TMEM106B: variants seen among roughly 807,000 people sequenced by gnomAD.
The protein encoded by TMEM106B is transmembrane protein 106B.
A neutral mutation model predicts 31.1 loss-of-function variants in TMEM106B; 15 were observed. The observed-to-expected ratio is 0.48, with a 90% confidence interval of 0.32 to 0.74. The LOEUF (loss-of-function observed/expected upper bound fraction) is 0.74, where lower values mean the gene tolerates loss of function less well. Among genes scored for constraint, TMEM106B ranks in the 30% least tolerant of loss-of-function variants. The pLI, the probability that TMEM106B is intolerant of heterozygous loss-of-function variation, is 0.03. For missense variants in TMEM106B, 283 were observed against 327.3 expected, an observed-to-expected ratio of 0.86 and a Z score of 1.04; for synonymous variants, 126 against 112.5, an observed-to-expected ratio of 1.12 and a Z score of -0.76.
At position 12,234,428 on chromosome 7, in the gene TMEM106B, A is replaced by T. The variant is rs764080815; in HGVS notation, c.*2453A>T. 4.3e-4 allele frequency: 66 copies of T among 152,010 alleles called. No individual in the cohort carries two copies. Among genetic ancestry groups the T allele is most frequent in the Middle Eastern group, 3.4e-3 (1 of 294 alleles). The allele number at this position is 152,010 out of a possible 1,614,324, so 9.4% of individuals were successfully genotyped here. A position where few individuals can be genotyped will look rare whatever the true frequency, so the allele number is the denominator to read the frequency against. Reference sequence around the variant, plus strand: ...AAAGATGGTATGTGACTACTTTCAGAGAGAGTTAAGTAACTGTCAGAATAA... The same window carrying T: ...AAAGATGGTATGTGACTACTTTCAGTGAGAGTTAAGTAACTGTCAGAATAA... On this transcript the variant is annotated 3_prime_UTR_variant, in exon 8 of 8. Coordinates refer to ENST00000396668, the MANE Select transcript of TMEM106B (RefSeq NM_001134232.2).
rs1358363299 is a variant in TMEM106B, at chr7:12,235,961, T to A, written c.*3986T>A. 1.3e-5 allele frequency: 2 copies of A among 148,332 alleles called. No individual in the cohort carries two copies. Among genetic ancestry groups the A allele is most frequent in the African/African-American group, 5.0e-5 (2 of 39,740 alleles). The allele number at this position is 148,332 out of a possible 1,614,324, so 9.2% of individuals were successfully genotyped here. On this transcript the variant is annotated 3_prime_UTR_variant, in exon 8 of 8. Coordinates refer to ENST00000396668, the MANE Select transcript of TMEM106B (RefSeq NM_001134232.2). ...AATTAGTTTTATTCTCTCTTTTTTA[T>A]AAAATCGGGTTTCAGATGAGATGTT... is the stretch of plus-strand genomic sequence containing the variant.
At chr7:12,212,414 G>A (rs1422436285) in intron 1 of TMEM106B, among the ~76,000 whole-genome samples, 3 of 151,860 alleles carry the variant, frequency 2.0e-5, no homozygotes, top group Non-Finnish European at 4.4e-5. Flanking sequence ...GCTGACAGGT[G>A]TTGATTAAGA....
intron 1 of TMEM106B, among the ~76,000 whole-genome samples, chr7:12,212,363 T>A (rs1313132044): frequency 6.6e-6 from 1 of 152,198 alleles, no homozygotes; most frequent in Non-Finnish European, 1.5e-5. Flanking sequence ...GGTTACAGTG[T>A]GTGGGGACAG....
chr7:12,219,251 A>T (rs1781743039), intron 3 of TMEM106B, among the ~76,000 whole-genome samples: 1 of 152,180 alleles, frequency 6.6e-6, no homozygotes, highest in South Asian at 2.1e-4. Flanking sequence ...GAACAGATTG[A>T]CATATTAGGG....
In TMEM106B at chr7:12,214,885, C is replaced by T. The variant is rs769300025; in HGVS notation, c.75C>T (p.Asn25=). 6.8e-6 allele frequency: 11 copies of T among 1,613,946 alleles called. No homozygotes were observed. The highest frequency in any genetic ancestry group is 4.5e-5 in the East Asian group (2 of 44,866). ...EDAYDGVTSE[N]MRNGLVNSEV... Reference sequence around the variant, plus strand: ...CTTATGATGGAGTCACATCTGAAAACATGAGGAATGGACTGGTTAATAGTG... The same window carrying T: ...CTTATGATGGAGTCACATCTGAAAATATGAGGAATGGACTGGTTAATAGTG... Residue 25 remains asparagine (N), a synonymous_variant, in exon 2 of 8, where the codon AAC becomes AAT. Transcript: ENST00000396668.
At chr7:12,225,357 GATTTATA>G (rs1781879814) in intron 4 of TMEM106B, among the ~76,000 whole-genome samples, 1 of 152,194 alleles carries the variant, frequency 6.6e-6, no homozygotes. Flanking sequence ...ATAGCAGCAT[GATTTATA>G]ATCCTTTGGG....
At chr7:12,227,377 G>T (rs1781921277) in intron 4 of TMEM106B, among the ~76,000 whole-genome samples, 1 of 151,876 alleles carries the variant, frequency 6.6e-6, no homozygotes, top group Non-Finnish European at 1.5e-5. Context: ...TTTTACTTCT[G>T]CTACCTAGGT....
At chr7:12,230,340 T>G in intron 5 of TMEM106B, 49 bp from the exon 6 acceptor site, 2 of 1,297,132 alleles carry the variant, frequency 1.5e-6, no homozygotes, top group Middle Eastern at 1.8e-4. Flanking sequence ...TCTGAAATGT[T>G]TGATGTTTTG....
intron 3 of TMEM106B, among the ~76,000 whole-genome samples, chr7:12,222,704 G>T (rs1343380575): frequency 6.6e-6 from 1 of 152,212 alleles, no homozygotes; most frequent in East Asian, 1.9e-4. Context: ...AGTCCAAAAT[G>T]AGTGAGTGGG....
chr7:12,228,751 A>G (rs1208652037), intron 4 of TMEM106B, among the ~76,000 whole-genome samples: 1 of 152,032 alleles, frequency 6.6e-6, no homozygotes, highest in African/African-American at 2.4e-5. Flanking sequence ...CCCTTTTCCC[A>G]TATCTGTGCC....
At chr7:12,231,173 A>G in intron 7 of TMEM106B, 58 bp downstream of exon 7, 1 of 1,326,008 alleles carries the variant, frequency 7.5e-7, no homozygotes, top group Non-Finnish European at 1.1e-6. Context: ...GATTTATAAC[A>G]TTGGCTTATA....
intron 2 of TMEM106B, among the ~76,000 whole-genome samples, chr7:12,217,023 G>C (rs111886724): frequency 0.026 from 2,818 of 110,232 alleles, 91 homozygotes; most frequent in African/African-American, 0.11. Context: ...GGTCAGGAGA[G>C]GGATTTTTTT....
Position 12,214,818 on chromosome 7 carries a change from A to G in TMEM106B, c.8A>G (p.Lys3Arg). MG[K>R]SLSHLPLHSS... The stretch of plus-strand genomic sequence containing the variant: ...TTTTATTTTTCTTTAGACATGGGAA[A>G]GTCTCTTTCTCATTTGCCTTTGCAT... The change falls in exon 2 of 8, where the codon AAG becomes AGG. Residue 3 changes from lysine (K) to arginine (R), a missense_variant. This residue lies in a region of TMEM106B where 77 missense variants were observed against 89.4 expected (regional missense o/e 0.86). Coordinates refer to ENST00000396668, the MANE Select transcript of TMEM106B (RefSeq NM_001134232.2). 6.2e-7 allele frequency: 1 copy of G among 1,608,564 alleles called. No individual in the cohort carries two copies. The highest frequency in any genetic ancestry group is 8.5e-7 in the Non-Finnish European group (1 of 1,178,044).
chr7:12,234,434 T>A lies in TMEM106B; in HGVS notation c.*2459T>A, dbSNP rs1782088957. 6.6e-6 allele frequency: 1 copy of A among 151,376 alleles called. No individual in the cohort carries two copies. 9.4% of individuals were successfully genotyped at this position (151,376 alleles called of 1,614,324 possible). On this transcript the variant is annotated 3_prime_UTR_variant, in exon 8 of 8. Transcript: ENST00000396668. The stretch of plus-strand genomic sequence containing the variant: ...GGTATGTGACTACTTTCAGAGAGAG[T>A]TAAGTAACTGTCAGAATAAGCCTGG...
In TMEM106B at chr7:12,238,486, T is replaced by C. The variant is rs929901265; in HGVS notation, c.*6511T>C. On this transcript the variant is annotated 3_prime_UTR_variant, in exon 8 of 8. Coordinates refer to ENST00000396668, the MANE Select transcript of TMEM106B (RefSeq NM_001134232.2). The stretch of plus-strand genomic sequence containing the variant: ...ACCTCTTCCCCTGAATCACAAATGT[T>C]GTTAATGGCATCTAGAATGGCAAAT... 1 of 152,290 alleles carries C rather than the reference T, an allele frequency of 6.6e-6. No individual in the cohort carries two copies. Among genetic ancestry groups the C allele is most frequent in the African/African-American group, 2.4e-5 (1 of 41,470 alleles). 9.4% of individuals were successfully genotyped at this position (152,290 alleles called of 1,614,324 possible). A position where few individuals can be genotyped will look rare whatever the true frequency, so the allele number is the denominator to read the frequency against.
rs1007198242 is a variant in TMEM106B at position 12,233,209 on chromosome 7, G to C, written c.*1234G>C. On this transcript the variant is annotated 3_prime_UTR_variant, in exon 8 of 8. Coordinates refer to ENST00000396668, the MANE Select transcript of TMEM106B (RefSeq NM_001134232.2). ...GATTATTGACTTATTCAACTTTGCT[G>C]TTTTATATTTTCAGTATCATTTTTC... The C allele has an allele frequency of 7.2e-6, 1 of 139,458 alleles. No individual in the cohort carries two copies. The highest frequency in any genetic ancestry group is 2.6e-5 in the African/African-American group (1 of 37,838). The allele number at this position is 139,458 out of a possible 1,614,324, so 8.6% of individuals were successfully genotyped here.
At chr7:12,213,315 A>T (rs1014369020) in intron 1 of TMEM106B, among the ~76,000 whole-genome samples, 2 of 152,000 alleles carry the variant, frequency 1.3e-5, no homozygotes, top group Non-Finnish European at 2.9e-5. Flanking sequence ...GTGATTTTGG[A>T]ATTTTGGGGC....
At chr7:12,216,273 G>A (rs118162735) in intron 2 of TMEM106B, among the ~76,000 whole-genome samples, 16 of 151,860 alleles carry the variant, frequency 1.1e-4, no homozygotes, top group African/African-American at 2.2e-4. Flanking sequence ...TTTTTTGGCC[G>A]CCTGGATACA....
chr7:12,227,135 C>G (rs1781917447), intron 4 of TMEM106B, among the ~76,000 whole-genome samples: 1 of 151,958 alleles, frequency 6.6e-6, no homozygotes, highest in African/African-American at 2.4e-5. Context: ...CTGAGACAGA[C>G]TGAACATTAA....
Sources: gnomAD v4.1 joint callset for allele counts (sites outside exome capture counted in the v4.1 genomes callset) on GRCh38, gnomAD v4.1.1 for gene constraint, gnomAD v4.1.1 regional missense constraint, MANE v1.5 for transcripts, NCBI Gene and HGNC (gene_info 2026-07-23, HGNC 2026-07-21) for gene names.